Variants in ITSN1 observed in about 807,000 individuals in gnomAD.
The protein encoded by ITSN1 is intersectin 1.
A neutral mutation model predicts 239.8 loss-of-function variants in ITSN1; 58 were observed. The observed-to-expected ratio is 0.24, with a 90% CI of 0.20 to 0.30. The LOEUF is 0.30. ITSN1 is among the 10% of genes least tolerant of loss of function. The pLI, the probability that ITSN1 is intolerant of heterozygous loss-of-function variation, is 1.00. For missense variants in ITSN1, 1,558 were observed against 2,103.3 expected (o/e 0.74, Z 5.07); for synonymous variants, 780 against 770.8 (o/e 1.01, Z -0.20).
At position 33,663,783 on chromosome 21, in the gene ITSN1, T is replaced by G. The variant is rs1468139636; in HGVS notation, c.-33+21070T>G. On this transcript the variant is annotated intron_variant, in intron 1 of 39. Transcript: ENST00000381318. ...ACGCCTGGCTAATTTTTTGTATTTTTAGTAGAGACGGGGTTTCTCCGTGTT... is the reference window on the plus strand; with the variant it reads ...ACGCCTGGCTAATTTTTTGTATTTTGAGTAGAGACGGGGTTTCTCCGTGTT... Among the ~76,000 whole-genome samples the G allele has an allele frequency of 2.6e-5, 4 of 152,326 alleles. No individual in the cohort carries two copies. The East Asian group carries it at 7.7e-4, about 29-fold the overall frequency.
intron 14 of ITSN1, among the ~76,000 whole-genome samples, chr21:33,776,204 G>A (rs2069592336): frequency 6.6e-6 from 1 of 151,958 alleles, no homozygotes; most frequent in Non-Finnish European, 1.5e-5. Context: ...TTTCTCTTGG[G>A]TAAACTTTTA....
intron 1 of ITSN1, among the ~76,000 whole-genome samples, chr21:33,658,930 T>A (rs1445333675): frequency 1.3e-5 from 2 of 152,052 alleles, no homozygotes; most frequent in African/African-American, 2.4e-5. Context: ...TCCTTTTGGA[T>A]CTTATCTGAG....
intron 1 of ITSN1, among the ~76,000 whole-genome samples, chr21:33,690,398 G>A (rs1441988310): frequency 6.6e-6 from 1 of 151,918 alleles, no homozygotes; most frequent in Non-Finnish European, 1.5e-5. Context: ...AGGAGATCGA[G>A]ACCATCCTGG....
chr21:33,874,348 C>T (rs868227788), intron 33 of ITSN1, among the ~76,000 whole-genome samples: 47 of 152,016 alleles, frequency 3.1e-4, no homozygotes, highest in African/African-American at 9.9e-4. Flanking sequence ...TCCAGAGGCG[C>T]GTGGACCCAG....
At chr21:33,772,376 C>A in intron 12 of ITSN1, 53 bp downstream of exon 12, 1 of 1,535,076 alleles carries the variant, frequency 6.5e-7, no homozygotes, top group South Asian at 1.2e-5. Context: ...CACCCCTTTT[C>A]AGAATTATCC....
rs1370285424 is a variant in ITSN1 at position 33,897,682 on chromosome 21, TTTAAC to T, written c.*9385_*9389del. The T allele has an allele frequency of 3.9e-5, 6 of 152,352 alleles. No homozygotes were observed. The highest frequency in any genetic ancestry group is 2.6e-4 in the Admixed American group (4 of 15,302). The allele number at this position is 152,352 out of a possible 1,614,324, so 9.4% of individuals were successfully genotyped here. A position where few individuals can be genotyped will look rare whatever the true frequency, so the allele number is the denominator to read the frequency against. ...AACACAGATTCTGTAGTCAAAAATATTTAACTTGTTATTGTAAAATGTGATTTGTC... is the reference window on the plus strand; with the variant it reads ...AACACAGATTCTGTAGTCAAAAATATTTGTTATTGTAAAATGTGATTTGTC... On this transcript the variant is annotated 3_prime_UTR_variant, in exon 40 of 40. Transcript: ENST00000381318.
chr21:33,653,173 T>A (rs972195619), intron 1 of ITSN1, among the ~76,000 whole-genome samples: 2 of 152,054 alleles, frequency 1.3e-5, no homozygotes, highest in African/African-American at 4.8e-5. Context: ...TTTTATATTT[T>A]CAGTGGAGAC....
intron 1 of ITSN1, among the ~76,000 whole-genome samples, chr21:33,657,945 C>T (rs898932784): frequency 3.9e-5 from 6 of 152,064 alleles, no homozygotes; most frequent in African/African-American, 1.4e-4. Flanking sequence ...GTGGTTGTGC[C>T]AGTGCACTCC....
chr21:33,840,561 C>T (rs2074787961), intron 29 of ITSN1, among the ~76,000 whole-genome samples: 1 of 152,082 alleles, frequency 6.6e-6, no homozygotes, highest in African/African-American at 2.4e-5. Flanking sequence ...AGGGTTTCAC[C>T]ATGTTGGCCA....
chr21:33,690,914 C>T (rs1404602774), intron 1 of ITSN1, among the ~76,000 whole-genome samples: 2 of 145,316 alleles, frequency 1.4e-5, no homozygotes, highest in Admixed American at 7.0e-5. Context: ...CCCAATGGGC[C>T]ATGGGCAAGT....
At chr21:33,847,642 G>A (rs910800401) in intron 29 of ITSN1, among the ~76,000 whole-genome samples, 1 of 152,156 alleles carries the variant, frequency 6.6e-6, no homozygotes, top group Non-Finnish European at 1.5e-5. Flanking sequence ...CAGAGGGCCC[G>A]AAGAGTGGAG....
At chr21:33,782,273 A>C (rs1602204995) in intron 16 of ITSN1, 140 bp downstream of exon 16, 1 of 820,126 alleles carries the variant, frequency 1.2e-6, no homozygotes, top group East Asian at 2.6e-5. Flanking sequence ...TTTCTCCTTG[A>C]AAATATAAGA....
At chr21:33,851,653 C>G (rs914611056) in intron 29 of ITSN1, among the ~76,000 whole-genome samples, 8 of 151,864 alleles carry the variant, frequency 5.3e-5, no homozygotes, top group African/African-American at 1.9e-4. Flanking sequence ...CCTGCCTCAG[C>G]CTCCCAAAGT....
intron 14 of ITSN1, among the ~76,000 whole-genome samples, chr21:33,781,124 C>T (rs1368215966): frequency 4.6e-5 from 7 of 152,158 alleles, no homozygotes; most frequent in Non-Finnish European, 8.8e-5. Flanking sequence ...ACTGCATTTG[C>T]ATTTGATCCC....
intron 9 of ITSN1, among the ~76,000 whole-genome samples, chr21:33,762,278 T>A (rs1353935985): frequency 6.6e-6 from 1 of 152,020 alleles, no homozygotes; most frequent in Non-Finnish European, 1.5e-5. Context: ...TTCTTTTTTT[T>A]TTTTTGAGAT....
intron 4 of ITSN1, among the ~76,000 whole-genome samples, chr21:33,731,609 A>G (rs2066188531): frequency 6.6e-6 from 1 of 152,236 alleles, no homozygotes; most frequent in Non-Finnish European, 1.5e-5. Flanking sequence ...AAAAGAATAC[A>G]CAATGACCAA....
chr21:33,836,126 A>G (rs1042621670), intron 28 of ITSN1, among the ~76,000 whole-genome samples: 4 of 152,224 alleles, frequency 2.6e-5, no homozygotes, highest in Admixed American at 1.3e-4. Flanking sequence ...AGTCAGCAGT[A>G]GGAAGGAGTT....
chr21:33,829,317 A>G (rs2074155545), intron 26 of ITSN1: 2 of 366,574 alleles, frequency 5.5e-6, no homozygotes, highest in African/African-American at 2.1e-5. Flanking sequence ...GGGGTGTGAC[A>G]GAAGGTGCCA....
chr21:33,780,265 A>C (rs1287385764), intron 14 of ITSN1, among the ~76,000 whole-genome samples: 3 of 152,266 alleles, frequency 2.0e-5, no homozygotes, highest in South Asian at 2.1e-4. Flanking sequence ...ATTGATGTTT[A>C]GACTGTTCAC....
Sources: gnomAD v4.1 joint callset for allele counts (sites outside exome capture counted in the v4.1 genomes callset) on GRCh38, gnomAD v4.1.1 for gene constraint, MANE v1.5 for transcripts, NCBI Gene and HGNC (gene_info 2026-07-23, HGNC 2026-07-21) for gene names.